The following TMC2 variants were observed in gnomAD, a reference collection of about 807,000 sequenced individuals.
TMC2 encodes transmembrane channel like 2, also known as transmembrane channel-like protein 2.
A neutral mutation model predicts 105.9 loss-of-function variants in TMC2; 102 were observed. That is an observed-to-expected ratio of 0.96 (90% CI 0.82 to 1.14). The LOEUF (loss-of-function observed/expected upper bound fraction) is 1.14. Among genes scored for constraint, TMC2 ranks in the 50% most tolerant of loss-of-function variants. TMC2 has a pLI of 0.00. For missense variants in TMC2, 1,093 were observed against 1,134.3 expected, an observed-to-expected ratio of 0.96 and a Z score of 0.52; for synonymous variants, 402 against 422.8, an observed-to-expected ratio of 0.95 and a Z score of 0.60.
rs1390842149 is a variant in TMC2, at chr20:2,610,496, C to T, written c.1491C>T (p.His497=). 4 of 1,613,746 alleles carry T rather than the reference C, an allele frequency of 2.5e-6. No homozygotes were observed. In the Admixed American group the frequency reaches 6.7e-5, roughly 27 times the overall value. ...CCATCGCTGCCCTGGAGAATTACCA[C>T]CCACGCACTGGACTGAAGTGGCAGC... The part of the protein sequence containing the change: ...FETIAALENY[H]PRTGLKWQLG... The change falls in exon 12 of 20, where the codon CAC becomes CAT. Residue 497 remains histidine, a synonymous_variant. Transcript: ENST00000358864.
chr20:2,549,983 G>A (rs1374242493), intron 2 of TMC2, among the ~76,000 whole-genome samples: 1 of 152,056 alleles, frequency 6.6e-6, no homozygotes, highest in Non-Finnish European at 1.5e-5. Context: ...AGCAGTTGGA[G>A]ACCAGCCTGG....
At position 2,602,164 on chromosome 20, in the gene TMC2, A is replaced by T; in HGVS notation, c.1276A>T (p.Thr426Ser). The change falls in exon 11 of 20, where the codon ACA (threonine) becomes TCA (serine). Residue 426 changes from threonine (T) to serine (S), a missense_variant. By Grantham distance (58) the Thr-to-Ser change is moderately conservative. Transcript: ENST00000358864. ...ESNKEENIHL[T>S]RFLRVLANFL... ...TAACAAAGAAGAAAATATCCATCTG[A>T]CAAGATTTCTTCGTGTCCTGGCCAA... is the stretch of plus-strand genomic sequence containing the variant. 1.2e-6 allele frequency: 2 copies of T among 1,613,294 alleles called. No homozygotes were observed. The highest frequency in any genetic ancestry group is 1.3e-5 in the African/African-American group (1 of 75,022).
chr20:2,602,064 T>C, intron 10 of TMC2, 49 bp from the exon 11 acceptor site: 2 of 1,406,172 alleles, frequency 1.4e-6, no homozygotes, highest in Non-Finnish European at 2.0e-6. Flanking sequence ...GCCATGGTTC[T>C]GGCATTTCTG....
At chr20:2,628,188 G>A (rs1029006878) in intron 17 of TMC2, among the ~76,000 whole-genome samples, 4 of 150,142 alleles carry the variant, frequency 2.7e-5, no homozygotes, top group East Asian at 1.9e-4. Flanking sequence ...AAAAAATCCA[G>A]AAAGAATTGG....
chr20:2,636,478 A>ACACACACACACACACACACG (rs754548427), intron 18 of TMC2, among the ~76,000 whole-genome samples: 18 of 151,332 alleles, frequency 1.2e-4, no homozygotes, highest in South Asian at 2.1e-4. Flanking sequence ...ACACACACAC[A>ACACACACACACACACACACG]CACACACACA....
At chr20:2,613,472 T>A (rs1479674239) in intron 14 of TMC2, 150 bp downstream of exon 14, 1 of 1,193,134 alleles carries the variant, frequency 8.4e-7, no homozygotes, top group South Asian at 1.3e-5. Flanking sequence ...TTAATTTGTA[T>A]TTCCTTTAAG....
chr20:2,627,781 G>A (rs546452845), intron 17 of TMC2, among the ~76,000 whole-genome samples: 28 of 152,282 alleles, frequency 1.8e-4, no homozygotes, highest in African/African-American at 6.0e-4. Flanking sequence ...ACCAGAAAAA[G>A]AAGTCTTTTC....
At chr20:2,623,376 A>G (rs897858540) in intron 16 of TMC2, among the ~76,000 whole-genome samples, 1 of 152,020 alleles carries the variant, frequency 6.6e-6, no homozygotes, top group Admixed American at 6.6e-5. Context: ...CATCTCTACT[A>G]AAAATACAAA....
chr20:2,571,679 T>A (rs1318890371), intron 4 of TMC2, among the ~76,000 whole-genome samples: 1 of 152,208 alleles, frequency 6.6e-6, no homozygotes, highest in Non-Finnish European at 1.5e-5. Flanking sequence ...GCCATGCAGA[T>A]GACCCAGAAT....
intron 11 of TMC2, among the ~76,000 whole-genome samples, chr20:2,605,491 ATC>A (rs2086384077): frequency 6.6e-6 from 1 of 151,984 alleles, no homozygotes; most frequent in East Asian, 1.9e-4. Context: ...AGAGAGAGAG[ATC>A]TCTGGTATCT....
At chr20:2,601,271 A>G (rs1568520197) in intron 10 of TMC2, among the ~76,000 whole-genome samples, 1 of 152,378 alleles carries the variant, frequency 6.6e-6, no homozygotes, top group Non-Finnish European at 1.5e-5. Flanking sequence ...CAATTTATTT[A>G]CATCTTGTCT....
Position 2,558,915 on chromosome 20 carries a change from C to T in TMC2, c.401+141C>T. 1 of 818,234 alleles carries T rather than the reference C, an allele frequency of 1.2e-6. No homozygotes were observed. 50.7% of individuals were successfully genotyped at this position (818,234 alleles called of 1,614,324 possible). On this transcript the variant is annotated intron_variant, in intron 3 of 19. Transcript: ENST00000358864. This position sits in a 1 kb window ranked among gnomAD's most constrained non-coding sequence, Gnocchi z 4.6. ...CCCTCGCTCTGGCTTCCGTGCCTCC[C>T]AGCCCTTACCACTGCCCCACTCTGC...
In TMC2 at chr20:2,558,153, C is replaced by A; in HGVS notation, c.83-303C>A. The A allele has an allele frequency of 4.6e-6, 2 of 439,086 alleles. No homozygotes were observed. The highest frequency in any genetic ancestry group is 7.9e-6 in the Non-Finnish European group (2 of 251,924). 27.2% of individuals were successfully genotyped at this position (439,086 alleles called of 1,614,324 possible). On this transcript the variant is annotated intron_variant, in intron 2 of 19. Coordinates refer to ENST00000358864, the MANE Select transcript of TMC2 (RefSeq NM_080751.3). This position sits in a 1 kb window ranked among gnomAD's most constrained non-coding sequence, Gnocchi z 4.6. ...GCCTGTTTGTTCCGATTCCTCTTGG[C>A]CTCTCTGTGTGACTTTCCTTTCCTT... is the stretch of plus-strand genomic sequence containing the variant.
At position 2,558,445 on chromosome 20, in the gene TMC2, C is replaced by G; in HGVS notation, c.83-11C>G. 1 of 1,552,628 alleles carries G rather than the reference C, an allele frequency of 6.4e-7. No individual in the cohort carries two copies. The highest frequency in any genetic ancestry group is 1.2e-5 in the South Asian group (1 of 84,106). ...TTGGAACCAGAACTGTCCATTTTCCCGCCCCGGCAGGTGACAGGCTGGGAA... is the reference window on the plus strand; with the variant it reads ...TTGGAACCAGAACTGTCCATTTTCCGGCCCCGGCAGGTGACAGGCTGGGAA... On this transcript the variant is annotated splice_polypyrimidine_tract_variant and intron_variant, in intron 2 of 19. Coordinates refer to ENST00000358864, the MANE Select transcript of TMC2 (RefSeq NM_080751.3). The surrounding 1 kb of genome is among the most constrained non-coding windows in gnomAD (Gnocchi z 4.6).
At chr20:2,574,684 C>T (rs2086130265) in intron 5 of TMC2, among the ~76,000 whole-genome samples, 1 of 152,038 alleles carries the variant, frequency 6.6e-6, no homozygotes, top group Non-Finnish European at 1.5e-5. Flanking sequence ...ATGGTAGCCC[C>T]ATAAATTTGT....
chr20:2,543,043 C>T (rs532031021), intron 2 of TMC2, among the ~76,000 whole-genome samples: 1 of 152,034 alleles, frequency 6.6e-6, no homozygotes, highest in African/African-American at 2.4e-5. Context: ...TTGAGACCAG[C>T]CTGGCCAACA....
At position 2,624,816 on chromosome 20, in the gene TMC2, A is replaced by G. The variant is rs115088982; in HGVS notation, c.2306+420A>G. Among the ~76,000 whole-genome samples the G allele has an allele frequency of 9.8e-3, 1,492 of 152,288 alleles. 24 individuals carry two copies. Among genetic ancestry groups the G allele is most frequent in the African/African-American group, 0.034 (1,424 of 41,560 alleles). On this transcript the variant is annotated intron_variant, in intron 17 of 19. Coordinates refer to ENST00000358864, the MANE Select transcript of TMC2 (RefSeq NM_080751.3). ...TTGGAGCACACTGAAAATTTGGGTG[A>G]GCCCTGACAGTATCTGCAACAACTC...
intron 2 of TMC2, 27 bp downstream of exon 2, chr20:2,537,343 GGA>G (rs1847750355): frequency 6.3e-7 from 1 of 1,581,102 alleles, no homozygotes. Context: ...GGGTCTCTGG[GGA>G]GCCTGCAGTG....
At chr20:2,538,308 C>A (rs1034259927) in intron 2 of TMC2, among the ~76,000 whole-genome samples, 2 of 152,182 alleles carry the variant, frequency 1.3e-5, no homozygotes, top group South Asian at 4.1e-4. Context: ...CCCTTCCTGG[C>A]CCCTATCCCG....
Sources: allele counts gnomAD v4.1 joint callset (sites outside exome capture counted in the v4.1 genomes callset), GRCh38; gene constraint gnomAD v4.1.1; non-coding constraint Gnocchi (gnomAD v3.1); transcripts MANE v1.5; gene names NCBI Gene and HGNC (gene_info 2026-07-23, HGNC 2026-07-21).